The following PARL variants were observed in gnomAD, a reference collection of about 807,000 sequenced individuals.
PARL encodes presenilin-associated rhomboid-like protein, mitochondrial.
PARL carries 44 observed loss-of-function variants against 51.6 expected under a neutral mutation model. That is an observed-to-expected ratio of 0.85 (90% CI 0.67 to 1.10). The LOEUF (loss-of-function observed/expected upper bound fraction) is 1.10. PARL is among the 50% of genes least tolerant of loss of function. PARL has a pLI of 0.00. For synonymous variants in PARL, 172 were observed against 164.0 expected (o/e 1.05, Z -0.37); for missense variants, 441 against 469.5 (o/e 0.94, Z 0.56).
At chr3:183,859,407 G>A (rs1000496012) in intron 4 of PARL, among the ~76,000 whole-genome samples, 3 of 152,036 alleles carry the variant, frequency 2.0e-5, no homozygotes, top group South Asian at 2.1e-4. Context: ...GCATGATCTC[G>A]GCTCACTGCA....
intron 4 of PARL, among the ~76,000 whole-genome samples, chr3:183,854,871 T>C (rs1214710257): frequency 1.3e-5 from 2 of 151,486 alleles, no homozygotes; most frequent in Non-Finnish European, 2.9e-5. Context: ...CCATTATTAA[T>C]AGCTGAAGAA....
chr3:183,861,668 ATTTAAGTCTAATCAATTAGAC>A (rs1260914243), intron 4 of PARL, among the ~76,000 whole-genome samples: 27 of 152,342 alleles, frequency 1.8e-4, no homozygotes, highest in South Asian at 6.2e-4. Context: ...TTAAATGCTT[ATTTAAGTCTAATCAATTAGAC>A]TTTAAGTCTA....
At chr3:183,846,662 G>A (rs1729987622) in intron 4 of PARL, 3 of 984,234 alleles carry the variant, frequency 3.0e-6, no homozygotes, top group Middle Eastern at 5.2e-4. Flanking sequence ...TAAGCCAGTG[G>A]TCATCAAACT....
chr3:183,838,126 T>C (rs1193248171), intron 7 of PARL, among the ~76,000 whole-genome samples: 1 of 151,534 alleles, frequency 6.6e-6, no homozygotes, highest in African/African-American at 2.4e-5. Flanking sequence ...GGCTCAGGCA[T>C]TCCTCCCACC....
At chr3:183,869,306 CA>C (rs965684760) in intron 1 of PARL, among the ~76,000 whole-genome samples, 22 of 151,858 alleles carry the variant, frequency 1.4e-4, no homozygotes, top group Admixed American at 1.2e-3. Flanking sequence ...TCCCCAGATG[CA>C]AGTGATTCTC....
chr3:183,859,164 G>A (rs1731514707), intron 4 of PARL, among the ~76,000 whole-genome samples: 1 of 151,886 alleles, frequency 6.6e-6, no homozygotes, highest in African/African-American at 2.4e-5. Flanking sequence ...AAATTAGCCG[G>A]GCACTTATAG....
At chr3:183,842,895 G>A (rs939273643) in intron 5 of PARL, among the ~76,000 whole-genome samples, 1 of 139,888 alleles carries the variant, frequency 7.1e-6, no homozygotes, top group African/African-American at 2.7e-5. Context: ...TTTGGAGAGA[G>A]TCTTGCTCTG....
intron 1 of PARL, among the ~76,000 whole-genome samples, chr3:183,874,643 C>A (rs779298797): frequency 2.0e-5 from 3 of 152,028 alleles, no homozygotes; most frequent in Non-Finnish European, 4.4e-5. Flanking sequence ...TCAAACCTCA[C>A]GTGATCCTCC....
At chr3:183,878,954 G>A (rs994534068) in intron 1 of PARL, among the ~76,000 whole-genome samples, 1 of 152,136 alleles carries the variant, frequency 6.6e-6, no homozygotes, top group Non-Finnish European at 1.5e-5. Context: ...CCAAACCCCT[G>A]TCCTAGATGA....
At chr3:183,852,907 A>C (rs1218157638) in intron 4 of PARL, among the ~76,000 whole-genome samples, 1 of 152,240 alleles carries the variant, frequency 6.6e-6, no homozygotes, top group Non-Finnish European at 1.5e-5. Context: ...AAGAAAACAA[A>C]GGGAAAACTG....
At chr3:183,843,354 A>G in intron 5 of PARL, 1 of 924,766 alleles carries the variant, frequency 1.1e-6, no homozygotes, top group Non-Finnish European at 1.3e-6. Context: ...CATCTGCACT[A>G]AAAACAAAAA....
intron 1 of PARL, among the ~76,000 whole-genome samples, chr3:183,872,878 G>A (rs1352006036): frequency 6.6e-6 from 1 of 152,174 alleles, no homozygotes; most frequent in Non-Finnish European, 1.5e-5. Flanking sequence ...AATGCCAAGA[G>A]AAAGGCCAAG....
chr3:183,863,628 A>G (rs1732101810), intron 3 of PARL, among the ~76,000 whole-genome samples: 1 of 152,126 alleles, frequency 6.6e-6, no homozygotes. Flanking sequence ...TTTAAGAGAC[A>G]GGGTCCCCCT....
At chr3:183,884,325 G>A (rs2108734673) in intron 1 of PARL, among the ~76,000 whole-genome samples, 1 of 152,312 alleles carries the variant, frequency 6.6e-6, no homozygotes, top group East Asian at 1.9e-4. Context: ...AAGGCGACTG[G>A]TTGTAATGGA....
chr3:183,876,233 G>A (rs1474494104), intron 1 of PARL, among the ~76,000 whole-genome samples: 1 of 152,108 alleles, frequency 6.6e-6, no homozygotes, highest in Non-Finnish European at 1.5e-5. Context: ...TTTTAGTAGA[G>A]ATGGGGTTTC....
intron 4 of PARL, among the ~76,000 whole-genome samples, chr3:183,860,632 T>C (rs891388510): frequency 2.0e-5 from 3 of 152,206 alleles, no homozygotes; most frequent in African/African-American, 7.2e-5. Flanking sequence ...TCTAGCTTCT[T>C]TGAAGAAAGT....
At chr3:183,846,956 A>ACT (rs1373901400) in intron 4 of PARL, among the ~76,000 whole-genome samples, 1 of 152,208 alleles carries the variant, frequency 6.6e-6, no homozygotes, top group Non-Finnish European at 1.5e-5. Flanking sequence ...TGCTCTTTCT[A>ACT]CTATACATCA....
At chr3:183,862,823 A>C in intron 3 of PARL, 22 bp from the exon 4 acceptor site, 1 of 1,601,054 alleles carries the variant, frequency 6.2e-7, no homozygotes, top group Non-Finnish European at 8.6e-7. Context: ...AGAAAATTGC[A>C]TCACCACATG....
At chr3:183,842,725 T>C (rs1246958829) in intron 5 of PARL, among the ~76,000 whole-genome samples, 1 of 141,606 alleles carries the variant, frequency 7.1e-6, no homozygotes, top group African/African-American at 2.6e-5. Context: ...GGAGAATCAC[T>C]TGGACCCAGG....
Sources: allele counts gnomAD v4.1 joint callset (sites outside exome capture counted in the v4.1 genomes callset), GRCh38; gene constraint gnomAD v4.1.1; transcripts MANE v1.5; gene names NCBI Gene and HGNC (gene_info 2026-07-23, HGNC 2026-07-21).